Variants in INTS12 observed in about 807,000 individuals in gnomAD.
The protein encoded by INTS12 is PHD finger protein 22.
Under a neutral mutation model 41.6 loss-of-function variants are expected in INTS12, and 13 were observed. The ratio of observed to expected loss-of-function variants is 0.31; its 90% CI spans 0.20 to 0.50. The LOEUF (loss-of-function observed/expected upper bound fraction) is 0.50. Among genes scored for constraint, INTS12 ranks in the 20% least tolerant of loss-of-function variants. The pLI, the probability that INTS12 is intolerant of heterozygous loss-of-function variation, is 0.98. For synonymous variants in INTS12, 199 were observed against 191.4 expected (o/e 1.04, Z -0.33); for missense variants, 432 against 541.6 (o/e 0.80, Z 2.01).
At chr4:105,708,431 C>G (rs1437794135) in intron 1 of INTS12, 9 of 985,458 alleles carry the variant, frequency 9.1e-6, no homozygotes, top group Non-Finnish European at 1.1e-5. Flanking sequence ...GTCCGCATGT[C>G]CCGGCCCGCA....
intron 4 of INTS12, among the ~76,000 whole-genome samples, chr4:105,694,480 C>T (rs148127910): frequency 1.8e-3 from 268 of 152,190 alleles, no homozygotes; most frequent in African/African-American, 6.1e-3. Context: ...TGTGCGCCAC[C>T]ACACCTGGCT....
Position 105,693,375 on chromosome 4 carries a change from C to T in INTS12, c.421G>A (p.Ala141Thr). 6.2e-7 allele frequency: 1 copy of T among 1,614,008 alleles called. No individual in the cohort carries two copies. The highest frequency in any genetic ancestry group is 1.3e-5 in the African/African-American group (1 of 75,038). ...TVQSSKDLPM[A>T]DLSSFEETSA... The stretch of plus-strand genomic sequence containing the variant: ...GTCTCCTCAAAACTGGAAAGGTCAG[C>T]CATAGGTAAATCCTTGCTACTTTGG... The change falls in exon 5 of 8, where the codon GCT becomes ACT. Residue 141 changes from alanine (A) to threonine (T), a missense_variant. Transcript: ENST00000340139.
chr4:105,690,392 T>C (rs1436791369), intron 6 of INTS12, among the ~76,000 whole-genome samples: 2 of 152,170 alleles, frequency 1.3e-5, no homozygotes, highest in African/African-American at 4.8e-5. Context: ...TAAGTGGCTA[T>C]TGCAATAGAC....
chr4:105,701,695 T>C (rs1217717543), intron 2 of INTS12, among the ~76,000 whole-genome samples: 1 of 152,206 alleles, frequency 6.6e-6, no homozygotes, highest in Non-Finnish European at 1.5e-5. Flanking sequence ...CTGATTTTAT[T>C]TCATATAGGT....
chr4:105,693,638 C>A (rs971973017), intron 4 of INTS12, 152 bp from the exon 5 acceptor site: 1 of 549,020 alleles, frequency 1.8e-6, no homozygotes, highest in Non-Finnish European at 3.2e-6. Flanking sequence ...CATTAAAGAT[C>A]TGTAGAAGAA....
intron 2 of INTS12, 130 bp from the exon 3 acceptor site, chr4:105,700,144 A>G: frequency 1.9e-6 from 1 of 516,210 alleles, no homozygotes; most frequent in Admixed American, 4.1e-5. Context: ...AATCACCAAA[A>G]AGTTATTACA....
chr4:105,682,636 G>A lies in INTS12; in HGVS notation c.*97C>T. ...TAAGAAACAATAGAAATTTGATTATGAAGACTTTTATTAAATTACAGTGTA... is the reference window on the plus strand; with the variant it reads ...TAAGAAACAATAGAAATTTGATTATAAAGACTTTTATTAAATTACAGTGTA... On this transcript the variant is annotated 3_prime_UTR_variant, in exon 8 of 8. Coordinates refer to ENST00000340139, the MANE Select transcript of INTS12 (RefSeq NM_020395.4). 1.1e-6 allele frequency: 1 copy of A among 892,018 alleles called. No individual in the cohort carries two copies. Among genetic ancestry groups the A allele is most frequent in the East Asian group, 2.5e-5 (1 of 39,842 alleles). 55.3% of individuals were successfully genotyped at this position (892,018 alleles called of 1,614,324 possible). A position where few individuals can be genotyped will look rare whatever the true frequency, so the allele number is the denominator to read the frequency against.
chr4:105,683,023 T>TTAGA lies in INTS12; in HGVS notation c.1095_1098dup (p.Thr367SerfsTer5). On this transcript the variant is annotated frameshift_variant, in exon 8 of 8. Transcript: ENST00000340139. LOFTEE classifies it high-confidence loss of function. ...CGACTAAGGCCAGTTTTACCCAAGG[T>TTAGA]TAGAGGTGGAGGTGGTTTTAAAGGT... The TTAGA allele has an allele frequency of 6.2e-7, 1 of 1,614,136 alleles. No individual in the cohort carries two copies. Among genetic ancestry groups the TTAGA allele is most frequent in the Non-Finnish European group, 8.5e-7 (1 of 1,179,982 alleles).
intron 3 of INTS12, 75 bp downstream of exon 3, chr4:105,699,775 G>T: frequency 2.1e-6 from 2 of 966,910 alleles, no homozygotes; most frequent in South Asian, 3.7e-5. Flanking sequence ...ATTGTTTTGA[G>T]ATGGTCTATA....
chr4:105,702,816 G>T, intron 2 of INTS12: 1 of 867,422 alleles, frequency 1.2e-6, no homozygotes, highest in Non-Finnish European at 1.4e-6. Context: ...ACAGAAAACA[G>T]TAGTTGAACC....
intron 6 of INTS12, among the ~76,000 whole-genome samples, chr4:105,687,840 C>G (rs947006817): frequency 5.3e-5 from 8 of 152,078 alleles, no homozygotes; most frequent in Admixed American, 6.5e-5. Context: ...GTAATTCCAG[C>G]TACTCAGGAG....
chr4:105,692,854 C>T (rs1036828140), intron 5 of INTS12, among the ~76,000 whole-genome samples: 3 of 152,126 alleles, frequency 2.0e-5, no homozygotes, highest in Non-Finnish European at 2.9e-5. Flanking sequence ...GAGTACTGGA[C>T]CTAATTATCC....
chr4:105,686,547 CTAATA>C (rs1030481372), intron 7 of INTS12, 140 bp downstream of exon 7: 10 of 600,110 alleles, frequency 1.7e-5, no homozygotes, highest in Admixed American at 6.5e-5. Context: ...CCCTTTCTAC[CTAATA>C]TAATAGTAGT....
intron 4 of INTS12, 118 bp downstream of exon 4, chr4:105,695,398 G>T: frequency 1.5e-6 from 1 of 676,576 alleles, no homozygotes; most frequent in Non-Finnish European, 2.3e-6. Context: ...ACTGAGTGTT[G>T]ATTATTATAT....
Position 105,693,499 on chromosome 4 carries a change from G to A in INTS12, c.310-13C>T, listed in dbSNP as rs1157172751. The A allele has an allele frequency of 1.3e-6, 2 of 1,593,690 alleles. No homozygotes were observed. The highest frequency in any genetic ancestry group is 1.7e-6 in the Non-Finnish European group (2 of 1,164,386). Reference sequence around the variant, plus strand: ...TGTCTGATTTCATCTATAAAAAGCAGGCATCAGAAAATGATAAAGTAATGT... The same window carrying A: ...TGTCTGATTTCATCTATAAAAAGCAAGCATCAGAAAATGATAAAGTAATGT... On this transcript the variant is annotated splice_polypyrimidine_tract_variant and intron_variant, in intron 4 of 7. Transcript: ENST00000340139.
chr4:105,693,345 C>T lies in INTS12; in HGVS notation c.451G>A (p.Ala151Thr), dbSNP rs1553953294. The T allele has an allele frequency of 6.2e-7, 1 of 1,613,686 alleles. No homozygotes were observed. The highest frequency in any genetic ancestry group is 8.5e-7 in the Non-Finnish European group (1 of 1,179,686). Residue 151 changes from alanine to threonine, a missense_variant, in exon 5 of 8, where the codon GCT (alanine) becomes ACT (threonine). This residue lies in a region of INTS12 where 168 missense variants were observed against 198.9 expected (regional missense o/e 0.84). Coordinates refer to ENST00000340139, the MANE Select transcript of INTS12 (RefSeq NM_020395.4). ...ADLSSFEETS[A>T]DDFAMEMGLA... ...CCCATCTCCATGGCAAAATCATCAG[C>T]ACTGGTCTCCTCAAAACTGGAAAGG...
At chr4:105,689,735 T>C (rs938318005) in intron 6 of INTS12, among the ~76,000 whole-genome samples, 27 of 151,940 alleles carry the variant, frequency 1.8e-4, no homozygotes, top group African/African-American at 3.9e-4. Context: ...AGACTCCATC[T>C]CTACAAAAAA....
intron 3 of INTS12, among the ~76,000 whole-genome samples, chr4:105,697,242 T>C (rs1731898316): frequency 6.6e-6 from 1 of 152,240 alleles, no homozygotes; most frequent in Non-Finnish European, 1.5e-5. Flanking sequence ...ATAGTATGCA[T>C]AAACTTTGGC....
At chr4:105,684,490 G>A (rs983972903) in intron 7 of INTS12, among the ~76,000 whole-genome samples, 3 of 152,120 alleles carry the variant, frequency 2.0e-5, no homozygotes, top group African/African-American at 7.2e-5. Context: ...TGAAATCAAG[G>A]TAGCCTTCAA....
Sources: allele counts gnomAD v4.1 joint callset (sites outside exome capture counted in the v4.1 genomes callset), GRCh38; gene constraint gnomAD v4.1.1; regional missense constraint gnomAD v4.1.1; transcripts MANE v1.5; gene names NCBI Gene and HGNC (gene_info 2026-07-23, HGNC 2026-07-21).